ANGPT2: variants seen among roughly 807,000 people sequenced by gnomAD.
The protein encoded by ANGPT2 is angiopoietin 2, also known as angiopoietin-2.
A neutral mutation model predicts 62.9 loss-of-function variants in ANGPT2; 28 were observed. The ratio of observed to expected loss-of-function variants is 0.44; its 90% CI spans 0.33 to 0.61. The LOEUF is 0.61. Among genes scored for constraint, ANGPT2 ranks in the 20% least tolerant of loss-of-function variants. The pLI is 0.03. For missense variants in ANGPT2, 727 were observed against 594.9 expected (o/e 1.22, Z -2.31); for synonymous variants, 284 against 207.8 (o/e 1.37, Z -3.15).
rs552424145 is a variant in ANGPT2, at chr8:6,500,137, G to T, written c.*2964C>A. ...AGACCATTGTGCAAAAAGTAGTGAG[G>T]AATGCAGTCCAAAGAAAATTTGACG... On this transcript the variant is annotated 3_prime_UTR_variant, in exon 9 of 9. Coordinates refer to ENST00000629816, the MANE Select transcript of ANGPT2 (RefSeq NM_001118887.2). The T allele has an allele frequency of 2.4e-4, 135 of 565,812 alleles. No individual in the cohort carries two copies. The African/African-American group carries it at 2.4e-3, about 10-fold the overall frequency. 35.0% of individuals were successfully genotyped at this position (565,812 alleles called of 1,614,324 possible). A position where few individuals can be genotyped will look rare whatever the true frequency, so the allele number is the denominator to read the frequency against.
At chr8:6,519,186 C>T (rs1043392912) in intron 5 of ANGPT2, among the ~76,000 whole-genome samples, 6 of 152,216 alleles carry the variant, frequency 3.9e-5, no homozygotes, top group African/African-American at 7.2e-5. Context: ...CCTTCCCCAG[C>T]GGTTCTCATG....
intron 1 of ANGPT2, among the ~76,000 whole-genome samples, chr8:6,547,751 C>G (rs1014671289): frequency 6.6e-6 from 1 of 152,154 alleles, no homozygotes; most frequent in Admixed American, 6.5e-5. Context: ...TCTCCACTGA[C>G]TCACTCGGTG....
chr8:6,546,895 C>G (rs906976243), intron 1 of ANGPT2, among the ~76,000 whole-genome samples: 2 of 152,148 alleles, frequency 1.3e-5, no homozygotes, highest in Non-Finnish European at 2.9e-5. Flanking sequence ...TTAAGATGTA[C>G]CCTTCCGTGT....
At chr8:6,558,594 C>G (rs1226017117) in intron 1 of ANGPT2, among the ~76,000 whole-genome samples, 2 of 152,050 alleles carry the variant, frequency 1.3e-5, no homozygotes. Context: ...TGTAAAGAGC[C>G]ACATTGATTA....
intron 1 of ANGPT2, among the ~76,000 whole-genome samples, chr8:6,535,135 T>G (rs1352292397): frequency 6.6e-6 from 1 of 152,348 alleles, no homozygotes; most frequent in African/African-American, 2.4e-5. Flanking sequence ...AACCTCCTTC[T>G]TGATTTCAGT....
intron 1 of ANGPT2, among the ~76,000 whole-genome samples, chr8:6,538,072 T>C (rs1820826345): frequency 6.6e-6 from 1 of 152,154 alleles, no homozygotes; most frequent in Non-Finnish European, 1.5e-5. Context: ...AATTTCGAAA[T>C]AGGATTTTGC....
At chr8:6,519,444 GA>G (rs1563333583) in intron 5 of ANGPT2, among the ~76,000 whole-genome samples, 1 of 152,176 alleles carries the variant, frequency 6.6e-6, no homozygotes, top group Non-Finnish European at 1.5e-5. Context: ...ACTGAAAAAT[GA>G]CTTTGACACA....
intron 1 of ANGPT2, 92 bp downstream of exon 1, chr8:6,562,549 CTTCTTT>C: frequency 1.1e-5 from 1 of 87,396 alleles, no homozygotes; most frequent in Admixed American, 1.8e-4. Flanking sequence ...CTTCATCCTC[CTTCTTT>C]TTTTTTTTTT....
At chr8:6,508,144 A>G (rs1206838860) in intron 8 of ANGPT2, 1 of 152,200 alleles carries the variant, frequency 6.6e-6, no homozygotes, top group East Asian at 1.9e-4. Flanking sequence ...ATATTAATGG[A>G]ATCTTTTTTA....
At chr8:6,540,972 G>A (rs1821444219) in intron 1 of ANGPT2, among the ~76,000 whole-genome samples, 1 of 152,250 alleles carries the variant, frequency 6.6e-6, no homozygotes, top group Non-Finnish European at 1.5e-5. Flanking sequence ...GTCCCCAGGG[G>A]GCAGGTGGAG....
intron 7 of ANGPT2, among the ~76,000 whole-genome samples, chr8:6,510,394 T>C (rs1257374202): frequency 2.0e-5 from 3 of 152,318 alleles, no homozygotes; most frequent in East Asian, 1.9e-4. Flanking sequence ...ACCAAGATGA[T>C]GCCCTTCTTT....
intron 1 of ANGPT2, among the ~76,000 whole-genome samples, chr8:6,544,007 T>G (rs1185635741): frequency 6.6e-6 from 1 of 152,228 alleles, no homozygotes; most frequent in Non-Finnish European, 1.5e-5. Context: ...GTTTTAGATC[T>G]GATCAGCAGT....
In ANGPT2 at chr8:6,500,157, T is replaced by C. The variant is rs958444856; in HGVS notation, c.*2944A>G. 5.6e-6 allele frequency: 3 copies of C among 534,430 alleles called. No homozygotes were observed. The highest frequency in any genetic ancestry group is 3.1e-5 in the Admixed American group (1 of 32,026). The allele number at this position is 534,430 out of a possible 1,614,324, so 33.1% of individuals were successfully genotyped here. A position where few individuals can be genotyped will look rare whatever the true frequency, so the allele number is the denominator to read the frequency against. On this transcript the variant is annotated 3_prime_UTR_variant, in exon 9 of 9. Coordinates refer to ENST00000629816, the MANE Select transcript of ANGPT2 (RefSeq NM_001118887.2). ...GTGAGGAATGCAGTCCAAAGAAAAT[T>C]TGACGATTAACATCCTCAGAACTGA...
intron 1 of ANGPT2, among the ~76,000 whole-genome samples, chr8:6,544,809 T>C (rs1182546987): frequency 1.3e-5 from 2 of 152,204 alleles, no homozygotes; most frequent in Admixed American, 1.3e-4. Flanking sequence ...ATCTATAACA[T>C]CTGCTGAACT....
chr8:6,526,231 G>A (rs992368677), intron 3 of ANGPT2, among the ~76,000 whole-genome samples: 5 of 140,476 alleles, frequency 3.6e-5, no homozygotes, highest in Admixed American at 7.6e-5. Context: ...ACCAGCCTGG[G>A]CAATATGGCA....
In ANGPT2 at chr8:6,499,720, T is replaced by C. The variant is rs1811781293; in HGVS notation, c.*3381A>G. The stretch of plus-strand genomic sequence containing the variant: ...ACATGAAGATTCTGAAGGGACTTTG[T>C]TGTCTGAGAACACATCTATTTCAGA... On this transcript the variant is annotated 3_prime_UTR_variant, in exon 9 of 9. Transcript: ENST00000629816. 1 of 748,050 alleles carries C rather than the reference T, an allele frequency of 1.3e-6. No homozygotes were observed. The highest frequency in any genetic ancestry group is 2.0e-5 in the Admixed American group (1 of 50,176). The allele number at this position is 748,050 out of a possible 1,614,324, so 46.3% of individuals were successfully genotyped here.
At chr8:6,524,576 A>C (rs1188775634) in intron 3 of ANGPT2, among the ~76,000 whole-genome samples, 2 of 152,246 alleles carry the variant, frequency 1.3e-5, no homozygotes, top group Non-Finnish European at 2.9e-5. Flanking sequence ...CTTCCGTTTA[A>C]CAGAGATGTA....
At chr8:6,554,893 T>C (rs1013016470) in intron 1 of ANGPT2, among the ~76,000 whole-genome samples, 25 of 152,304 alleles carry the variant, frequency 1.6e-4, no homozygotes, top group African/African-American at 6.0e-4. Context: ...TCACATCTTT[T>C]GTCAAGTGGT....
chr8:6,505,290 TATAC>T (rs1392249428), intron 8 of ANGPT2, among the ~76,000 whole-genome samples: 4 of 59,410 alleles, frequency 6.7e-5, no homozygotes, highest in East Asian at 7.3e-4. Flanking sequence ...ATATATGTTA[TATAC>T]ATATATATGT....
Sources: allele counts gnomAD v4.1 joint callset (sites outside exome capture counted in the v4.1 genomes callset), GRCh38; gene constraint gnomAD v4.1.1; transcripts MANE v1.5; gene names NCBI Gene and HGNC (gene_info 2026-07-23, HGNC 2026-07-21).